NKX2-2: variants seen among roughly 807,000 people sequenced by gnomAD.
The protein encoded by NKX2-2 is NK2 homeobox 2.
A neutral mutation model predicts 24.6 loss-of-function variants in NKX2-2; 8 were observed. The observed-to-expected ratio is 0.32, with a 90% CI of 0.19 to 0.59. The LOEUF (loss-of-function observed/expected upper bound fraction) is 0.59. NKX2-2 is among the 20% of genes least tolerant of loss of function. The pLI is 0.86. For missense variants in NKX2-2, 381 were observed against 373.9 expected (o/e 1.02, Z -0.16); for synonymous variants, 217 against 173.3 (o/e 1.25, Z -1.98).
At chr20:21,520,579 A>G in the NKX2-2 span, among the ~76,000 whole-genome samples, 1 of 152,186 alleles carries the variant, frequency 6.6e-6, no homozygotes, top group African/African-American at 2.4e-5. Flanking sequence ...GTTAAATTGA[A>G]CACGAACTGT....
Position 21,513,591 on chromosome 20 carries a change from A to T in NKX2-2, c.79T>A (p.Ser27Thr), listed in dbSNP as rs1469128778. ...DLPDTNDEEG[S>T]VAEGPEEENE... ...TCTTCCTCCGGACCTTCGGCCACAG[A>T]GCCCTCCTCATCGTTGGTGTCCGGC... The change falls in exon 1 of 2, where the codon TCT (serine) becomes ACT (threonine). Residue 27 changes from serine (S) to threonine (T), a missense_variant. Ser to Thr is a moderately conservative substitution (Grantham distance 58). Transcript: ENST00000377142. This position sits in a 1 kb window ranked among gnomAD's most constrained non-coding sequence, Gnocchi z 4.6. 1 of 1,613,234 alleles carries T rather than the reference A, an allele frequency of 6.2e-7. No individual in the cohort carries two copies. Among genetic ancestry groups the T allele is most frequent in the African/African-American group, 1.3e-5 (1 of 74,860 alleles).
Position 21,511,966 on chromosome 20 carries a change from G to A in NKX2-2, c.779C>T (p.Pro260Leu). The change falls in exon 2 of 2, where the codon CCG becomes CTG. Residue 260 changes from proline to leucine, a missense_variant. By Grantham distance (98) the Pro-to-Leu change is moderately conservative. Transcript: ENST00000377142. ...QYSSASTPQY[P>L]TAHPLVQAQQ... ...GGCCTGGACCAGGGGGTGTGCTGTC[G>A]GGTACTGGGGGGTGCTGGCCGAGCT... 1 of 1,608,310 alleles carries A rather than the reference G, an allele frequency of 6.2e-7. No homozygotes were observed. The highest frequency in any genetic ancestry group is 8.5e-7 in the Non-Finnish European group (1 of 1,178,060).
rs1262866812 is a variant in NKX2-2 at position 21,512,279 on chromosome 20, G to C, written c.466C>G (p.Pro156Ala). The C allele has an allele frequency of 1.2e-6, 2 of 1,613,524 alleles. No individual in the cohort carries two copies. The highest frequency in any genetic ancestry group is 2.7e-5 in the African/African-American group (2 of 74,930). Residue 156 changes from proline (P) to alanine (A), a missense_variant, in exon 2 of 2, where the codon CCC (proline) becomes GCC (alanine). Coordinates refer to ENST00000377142, the MANE Select transcript of NKX2-2 (RefSeq NM_002509.4). ...AGGCTGGCCAGGTGTTCGCGCTCGG[G>C]CGCCGACAGGTACCGCTGCTGCCGA... is the stretch of plus-strand genomic sequence containing the variant. ...RFRQQRYLSA[P>A]EREHLASLIR...
chr20:21,513,095 G>T lies in NKX2-2; in HGVS notation c.259+316C>A, dbSNP rs1980501787. Among the ~76,000 whole-genome samples, 1 of 151,918 alleles carries T rather than the reference G, an allele frequency of 6.6e-6. No homozygotes were observed. The highest frequency in any genetic ancestry group is 2.4e-5 in the African/African-American group (1 of 41,380). On this transcript the variant is annotated intron_variant, in intron 1 of 1. Coordinates refer to ENST00000377142, the MANE Select transcript of NKX2-2 (RefSeq NM_002509.4). This position sits in a 1 kb window ranked among gnomAD's most constrained non-coding sequence, Gnocchi z 4.6. Reference sequence around the variant, plus strand: ...AGTCCCTCCCAGCGGCCGGAGTCCGGGGGCTGCGGCTGGAGCCATCGGTCC... The same window carrying T: ...AGTCCCTCCCAGCGGCCGGAGTCCGTGGGCTGCGGCTGGAGCCATCGGTCC...
Position 21,513,373 on chromosome 20 carries a change from G to A in NKX2-2, c.259+38C>T, listed in dbSNP as rs1361854428. ...CCCGGGCTGCGGCTGCAGGAATGGA[G>A]GGGACCACGGCCTCGGCAGCCAAGT... On this transcript the variant is annotated intron_variant, in intron 1 of 1. Transcript: ENST00000377142. The surrounding 1 kb of genome is among the most constrained non-coding windows in gnomAD (Gnocchi z 4.6). 21 of 1,497,062 alleles carry A rather than the reference G, an allele frequency of 1.4e-5. No homozygotes were observed. Among genetic ancestry groups the A allele is most frequent in the Non-Finnish European group, 1.9e-5 (21 of 1,122,218 alleles). 92.7% of individuals were successfully genotyped at this position (1,497,062 alleles called of 1,614,324 possible). A position where few individuals can be genotyped will look rare whatever the true frequency, so the allele number is the denominator to read the frequency against.
chr20:21,515,899 C>T (rs1980625879), upstream of NKX2-2, among the ~76,000 whole-genome samples: 1 of 152,202 alleles, frequency 6.6e-6, no homozygotes, highest in African/African-American at 2.4e-5. Context: ...CCCTAGCTGC[C>T]TCGCCCCCAG....
Position 21,513,693 on chromosome 20 carries a change from T to C in NKX2-2, c.-24A>G. On this transcript the variant is annotated 5_prime_UTR_variant, in exon 1 of 2. Coordinates refer to ENST00000377142, the MANE Select transcript of NKX2-2 (RefSeq NM_002509.4). The surrounding 1 kb of genome is among the most constrained non-coding windows in gnomAD (Gnocchi z 4.6). ...ATGGTTCGAGACCCCAAAATTTATG[T>C]CGCAAAGTTGTAGCTTCACTTGGTC... The C allele has an allele frequency of 7.7e-7, 1 of 1,294,814 alleles. No homozygotes were observed. The highest frequency in any genetic ancestry group is 1.0e-6 in the Non-Finnish European group (1 of 1,000,098). 80.2% of individuals were successfully genotyped at this position (1,294,814 alleles called of 1,614,324 possible).
chr20:21,515,994 TA>T (rs1220724706), upstream of NKX2-2, among the ~76,000 whole-genome samples: 1 of 152,208 alleles, frequency 6.6e-6, no homozygotes, highest in African/African-American at 2.4e-5. Context: ...CAAACACAAA[TA>T]CAAACCGATT....
chr20:21,516,481 C>T (rs1980643394), upstream of NKX2-2, among the ~76,000 whole-genome samples: 1 of 151,796 alleles, frequency 6.6e-6, no homozygotes, highest in Non-Finnish European at 1.5e-5. Context: ...CGCTCTGCCC[C>T]GTCGGAGGAG....
In NKX2-2 at chr20:21,511,031, A is replaced by G. The variant is rs1462216581; in HGVS notation, c.*892T>C. ...GGGATTTTTTCTTTTTTTCTTTTTT[A>G]AACACAGGATTTTTATTAAAATTCT... On this transcript the variant is annotated 3_prime_UTR_variant, in exon 2 of 2. Transcript: ENST00000377142. 4.6e-5 allele frequency: 7 copies of G among 152,254 alleles called. No individual in the cohort carries two copies. Among genetic ancestry groups the G allele is most frequent in the African/African-American group, 1.7e-4 (7 of 41,406 alleles). 9.4% of individuals were successfully genotyped at this position (152,254 alleles called of 1,614,324 possible). A position where few individuals can be genotyped will look rare whatever the true frequency, so the allele number is the denominator to read the frequency against.
chr20:21,519,578 C>T, the NKX2-2 span, among the ~76,000 whole-genome samples: 2 of 152,214 alleles, frequency 1.3e-5, no homozygotes, highest in Non-Finnish European at 2.9e-5. Context: ...ATGGCATCTC[C>T]AAAACAGCCC....
Position 21,512,444 on chromosome 20 carries a change from A to T in NKX2-2, c.301T>A (p.Ser101Thr), listed in dbSNP as rs756231529. The change falls in exon 2 of 2, where the codon TCC becomes ACC. Residue 101 changes from serine (S) to threonine (T), a missense_variant. Physicochemically the swap from Ser to Thr is moderately conservative, Grantham distance 58. Coordinates refer to ENST00000377142, the MANE Select transcript of NKX2-2 (RefSeq NM_002509.4). ...AAGAPPQDSSSKSPEPSADES... is the reference protein window; with the variant it reads ...AAGAPPQDSSTKSPEPSADES... ...TCGGCCGAGGGCTCCGGGGACTTGG[A>T]GCTTGAGTCCTGAGGGGGCGCCCCG... The T allele has an allele frequency of 6.3e-7, 1 of 1,588,132 alleles. No individual in the cohort carries two copies. The highest frequency in any genetic ancestry group is 2.3e-5 in the East Asian group (1 of 44,360).
upstream of NKX2-2, among the ~76,000 whole-genome samples, chr20:21,516,204 A>T (rs919603389): frequency 6.6e-6 from 1 of 152,022 alleles, no homozygotes; most frequent in African/African-American, 2.4e-5. Flanking sequence ...TCAATGGACT[A>T]TCTCTTCATT....
the NKX2-2 span, among the ~76,000 whole-genome samples, chr20:21,520,862 A>G: frequency 6.6e-6 from 1 of 152,220 alleles, no homozygotes; most frequent in East Asian, 1.9e-4. Flanking sequence ...TCCCCGGATG[A>G]GGGCGATTTC....
upstream of NKX2-2, among the ~76,000 whole-genome samples, chr20:21,517,657 G>A (rs1210430486): frequency 6.6e-6 from 1 of 152,160 alleles, no homozygotes; most frequent in Non-Finnish European, 1.5e-5. Context: ...GGGCAAGTCC[G>A]GTGCCCAGAG....
Position 21,513,412 on chromosome 20 carries a change from G to C in NKX2-2, c.258C>G (p.Ser86=). 6.4e-7 allele frequency: 1 copy of C among 1,552,260 alleles called. No individual in the cohort carries two copies. Among genetic ancestry groups the C allele is most frequent in the Non-Finnish European group, 8.7e-7 (1 of 1,149,448 alleles). Residue 86 remains serine (S), a splice_region_variant and synonymous_variant, in exon 1 of 2, where the codon TCC becomes TCG. Coordinates refer to ENST00000377142, the MANE Select transcript of NKX2-2 (RefSeq NM_002509.4). The surrounding 1 kb of genome is among the most constrained non-coding windows in gnomAD (Gnocchi z 4.6). The part of the protein sequence containing the change: ...WLASTEGLQY[S]LHGLAAGAPP... ...CGGCAGCCAAGTTTTGCTACTTACGGGAGTACTGAAGGCCCTCGGTGCTGG... is the reference window on the plus strand; with the variant it reads ...CGGCAGCCAAGTTTTGCTACTTACGCGAGTACTGAAGGCCCTCGGTGCTGG...
Position 21,511,249 on chromosome 20 carries a change from G to GCAAAAACAAAAA in NKX2-2, c.*662_*673dup, listed in dbSNP as rs140543527. ...AGAAAGGAAGAAAGCAGGGGAAAAC[G>GCAAAAACAAAAA]CAAAAACAAAAACAAAACAAAAAAC... On this transcript the variant is annotated 3_prime_UTR_variant, in exon 2 of 2. Coordinates refer to ENST00000377142, the MANE Select transcript of NKX2-2 (RefSeq NM_002509.4). 6.6e-6 allele frequency: 1 copy of GCAAAAACAAAAA among 151,486 alleles called. No individual in the cohort carries two copies. The highest frequency in any genetic ancestry group is 2.4e-5 in the African/African-American group (1 of 41,004). The allele number at this position is 151,486 out of a possible 1,614,324, so 9.4% of individuals were successfully genotyped here.
Position 21,511,862 on chromosome 20 carries a change from GC to G in NKX2-2, c.*60del, listed in dbSNP as rs1329788491. 2.2e-6 allele frequency: 3 copies of G among 1,382,694 alleles called. No homozygotes were observed. In the African/African-American group the frequency reaches 4.3e-5, roughly 20 times the overall value. The allele number at this position is 1,382,694 out of a possible 1,614,324, so 85.7% of individuals were successfully genotyped here. ...CCACCATAAGGACCGAGGCCTCCTC[GC>G]CGCCACCGCCGCCGGGGTGGGGCCT... On this transcript the variant is annotated 3_prime_UTR_variant, in exon 2 of 2. Transcript: ENST00000377142.
At chr20:21,515,272 T>G (rs1013373471), upstream of NKX2-2, among the ~76,000 whole-genome samples, 108 of 31,080 alleles carry the variant, frequency 3.5e-3, no homozygotes, top group Admixed American at 4.4e-3. Flanking sequence ...ATTGCGGGGG[T>G]GGGGGTGGGG....
Sources: allele counts gnomAD v4.1 joint callset (sites outside exome capture counted in the v4.1 genomes callset), GRCh38; gene constraint gnomAD v4.1.1; non-coding constraint Gnocchi (gnomAD v3.1); transcripts MANE v1.5; gene names NCBI Gene and HGNC (gene_info 2026-07-23, HGNC 2026-07-21).